Variants in APCDD1L observed in about 807,000 individuals in gnomAD.
APCDD1L encodes the protein protein APCDD1-like.
Under a neutral mutation model 24.2 loss-of-function variants are expected in APCDD1L, and 21 were observed. The ratio of observed to expected loss-of-function variants is 0.87; its 90% CI spans 0.61 to 1.25. The LOEUF is 1.25. Ranked by LOEUF, APCDD1L falls within the 50% of genes most tolerant of loss-of-function variation. APCDD1L has a pLI of 0.00. For synonymous variants in APCDD1L, 321 were observed against 323.6 expected (o/e 0.99, Z 0.09); for missense variants, 704 against 711.7 (o/e 0.99, Z 0.12).
Position 58,485,442 on chromosome 20 carries a change from G to A in APCDD1L, c.50-14695C>T, listed in dbSNP as rs1436706847. Among the ~76,000 whole-genome samples the A allele has an allele frequency of 2.6e-5, 4 of 152,184 alleles. No individual in the cohort carries two copies. In the East Asian group the frequency reaches 5.8e-4, roughly 22 times the overall value. On this transcript the variant is annotated intron_variant, in intron 1 of 3. Coordinates refer to ENST00000371149, the MANE Select transcript of APCDD1L (RefSeq NM_153360.3). ...TTACAAGTCTAACATATGAATATTG[G>A]AAGGGAAATGACAAGTTAATGAAGG...
At chr20:58,492,012 C>T (rs1185105798) in intron 1 of APCDD1L, among the ~76,000 whole-genome samples, 1 of 152,114 alleles carries the variant, frequency 6.6e-6, no homozygotes, top group Non-Finnish European at 1.5e-5. Flanking sequence ...TGGTTATCCC[C>T]GTGGAAAGGA....
At chr20:58,475,897 TG>T (rs1449798107) in intron 1 of APCDD1L, among the ~76,000 whole-genome samples, 1 of 152,206 alleles carries the variant, frequency 6.6e-6, no homozygotes, top group East Asian at 1.9e-4. Context: ...TGTCTGCACC[TG>T]TGTCCAAATC....
rs188663042 is a variant in APCDD1L, at chr20:58,508,867, G to A, written c.49+5792C>T. On this transcript the variant is annotated intron_variant, in intron 1 of 3. Coordinates refer to ENST00000371149, the MANE Select transcript of APCDD1L (RefSeq NM_153360.3). This position sits in a 1 kb window ranked among gnomAD's most constrained non-coding sequence, Gnocchi z 4.0. Reference sequence around the variant, plus strand: ...CGGTGTATGGAGAGTGAGGGGTGCCGTGCAGAAAGGCAGAGCGGGGTACTG... The same window carrying A: ...CGGTGTATGGAGAGTGAGGGGTGCCATGCAGAAAGGCAGAGCGGGGTACTG... Among the ~76,000 whole-genome samples, 24 of 152,278 alleles carry A rather than the reference G, an allele frequency of 1.6e-4. No individual in the cohort carries two copies. Among genetic ancestry groups the A allele is most frequent in the Admixed American group, 8.5e-4 (13 of 15,296 alleles).
intron 1 of APCDD1L, among the ~76,000 whole-genome samples, chr20:58,512,249 T>C (rs1261097055): frequency 6.6e-6 from 1 of 152,266 alleles, no homozygotes; most frequent in African/African-American, 2.4e-5. Flanking sequence ...TTTGATTTCC[T>C]GATCGTTCAG....
rs78418340 is a variant in APCDD1L at position 58,461,062 on chromosome 20, C to G, written c.1234G>C (p.Glu412Gln). Residue 412 changes from glutamate (E) to glutamine (Q), a missense_variant, in exon 4 of 4, where the codon GAG (glutamate) becomes CAG (glutamine). Transcript: ENST00000371149. The surrounding 1 kb of genome is among the most constrained non-coding windows in gnomAD (Gnocchi z 6.0). ...LGIRLPHVEY[E>Q]LFKMEQDPLG... The stretch of plus-strand genomic sequence containing the variant: ...GGGTCTTGTTCCATCTTGAAAAGCT[C>G]GTACTCCACATGCGGGAGCCGGATG... 3.7e-6 allele frequency: 6 copies of G among 1,614,086 alleles called. No individual in the cohort carries two copies. The East Asian group carries it at 6.7e-5, about 18-fold the overall frequency.
At chr20:58,501,749 A>G (rs1231564454) in intron 1 of APCDD1L, among the ~76,000 whole-genome samples, 1 of 152,122 alleles carries the variant, frequency 6.6e-6, no homozygotes, top group Admixed American at 6.5e-5. Flanking sequence ...ACCACTTTCC[A>G]TGGATGCATT....
chr20:58,503,840 G>A (rs1990486621), intron 1 of APCDD1L, among the ~76,000 whole-genome samples: 1 of 152,222 alleles, frequency 6.6e-6, no homozygotes, highest in South Asian at 2.1e-4. Context: ...TCTTGGATGG[G>A]CATGGATCCA....
intron 1 of APCDD1L, among the ~76,000 whole-genome samples, chr20:58,474,255 G>A (rs7273810): frequency 0.021 from 3,205 of 152,326 alleles, 102 homozygotes; most frequent in African/African-American, 0.069. Flanking sequence ...ACAACCACCC[G>A]TGACATGGGT....
intron 2 of APCDD1L, among the ~76,000 whole-genome samples, chr20:58,469,873 G>C (rs563530250): frequency 6.6e-6 from 1 of 152,342 alleles, no homozygotes; most frequent in South Asian, 2.1e-4. Context: ...GAATATGCCA[G>C]GTGTGAAGGG....
At position 58,494,304 on chromosome 20, in the gene APCDD1L, C is replaced by CTCT. The variant is rs974990710; in HGVS notation, c.49+20352_49+20354dup. ...TCTTTTCTTACTTTTCTTTTCTCTT[C>CTCT]TCTCTTCTCTTCTCTTCTTTTCCTT... On this transcript the variant is annotated intron_variant, in intron 1 of 3. Coordinates refer to ENST00000371149, the MANE Select transcript of APCDD1L (RefSeq NM_153360.3). This position sits in a 1 kb window ranked among gnomAD's most constrained non-coding sequence, Gnocchi z 4.8. Among the ~76,000 whole-genome samples, 94 of 80,326 alleles carry CTCT rather than the reference C, an allele frequency of 1.2e-3. No homozygotes were observed. The African/African-American group carries it at 0.014, about 12-fold the overall frequency. 52.7% of individuals were successfully genotyped at this position (80,326 alleles called of 152,430 possible).
At chr20:58,509,248 G>A (rs891197619) in intron 1 of APCDD1L, among the ~76,000 whole-genome samples, 10 of 152,112 alleles carry the variant, frequency 6.6e-5, no homozygotes, top group Admixed American at 4.6e-4. Context: ...AGGGCGGGCC[G>A]GGTGCTGTGA....
intron 1 of APCDD1L, among the ~76,000 whole-genome samples, chr20:58,503,595 C>T (rs1990482103): frequency 6.6e-6 from 1 of 152,190 alleles, no homozygotes; most frequent in African/African-American, 2.4e-5. Flanking sequence ...TGAGCTATTG[C>T]TTTTCCTCCC....
intron 1 of APCDD1L, among the ~76,000 whole-genome samples, chr20:58,475,363 C>G (rs964478775): frequency 2.0e-5 from 3 of 152,072 alleles, no homozygotes; most frequent in African/African-American, 4.8e-5. Flanking sequence ...AACAGTCACG[C>G]GTCGGTTTTA....
chr20:58,466,050 G>A (rs1353183784), intron 3 of APCDD1L, among the ~76,000 whole-genome samples: 1 of 149,832 alleles, frequency 6.7e-6, no homozygotes, highest in Non-Finnish European at 1.5e-5. Flanking sequence ...CCTTGTAGGA[G>A]CCAGGCTCTG....
At position 58,461,370 on chromosome 20, in the gene APCDD1L, CG is replaced by C; in HGVS notation, c.925del (p.Arg309AlafsTer52). ...TRLFTFHGHS[R>X]SWEGYYHHFS... is the part of the protein sequence containing the mutation. Reference sequence around the variant, plus strand: ...GTGGTGGTAATACCCTTCCCAGGAGCGGCTGTGCCCGTGGAAAGTGAAGAGC... The same window carrying C: ...GTGGTGGTAATACCCTTCCCAGGAGCGCTGTGCCCGTGGAAAGTGAAGAGC... On this transcript the variant is annotated frameshift_variant, in exon 4 of 4. Coordinates refer to ENST00000371149, the MANE Select transcript of APCDD1L (RefSeq NM_153360.3). LOFTEE classifies it low-confidence loss of function (END_TRUNC). This position sits in a 1 kb window ranked among gnomAD's most constrained non-coding sequence, Gnocchi z 6.0. 6.4e-7 allele frequency: 1 copy of C among 1,565,882 alleles called. No homozygotes were observed.
intron 1 of APCDD1L, among the ~76,000 whole-genome samples, chr20:58,474,545 AG>A (rs777055023): frequency 1.5e-4 from 23 of 152,272 alleles, no homozygotes; most frequent in Non-Finnish European, 3.1e-4. Flanking sequence ...TTATACTAAA[AG>A]TACAAAAACT....
At chr20:58,475,805 G>A (rs527440929) in intron 1 of APCDD1L, among the ~76,000 whole-genome samples, 82 of 152,200 alleles carry the variant, frequency 5.4e-4, no homozygotes, top group African/African-American at 1.8e-3. Context: ...GTGGCTCCAG[G>A]TGTCCCTTGG....
intron 1 of APCDD1L, among the ~76,000 whole-genome samples, chr20:58,488,421 C>A (rs1315190676): frequency 6.6e-6 from 1 of 152,182 alleles, no homozygotes; most frequent in African/African-American, 2.4e-5. Flanking sequence ...AGAGTATGAA[C>A]ATTCTTTTCA....
chr20:58,466,125 CAA>C (rs35123325), intron 3 of APCDD1L, among the ~76,000 whole-genome samples: 38 of 120,396 alleles, frequency 3.2e-4, no homozygotes, highest in African/African-American at 7.3e-4. Flanking sequence ...GCTCATCTGG[CAA>C]AAAAAAAAAA....
Sources: allele counts gnomAD v4.1 joint callset (sites outside exome capture counted in the v4.1 genomes callset), GRCh38; gene constraint gnomAD v4.1.1; non-coding constraint Gnocchi (gnomAD v3.1); transcripts MANE v1.5; gene names NCBI Gene and HGNC (gene_info 2026-07-23, HGNC 2026-07-21).